Variants in CATSPERE observed in about 807,000 individuals in gnomAD.
CATSPERE encodes the protein catsper channel auxiliary subunit epsilon.
In CATSPERE, 93 loss-of-function variants were observed where a neutral mutation model predicts 114.1. That is an observed-to-expected ratio of 0.81 (90% CI 0.69 to 0.97). The LOEUF is 0.97. Ranked by LOEUF, CATSPERE falls within the 50% of genes least tolerant of loss-of-function variation. CATSPERE has a pLI of 0.00. For missense variants in CATSPERE, 1,058 were observed against 1,131.6 expected, an observed-to-expected ratio of 0.93 and a Z score of 0.93; for synonymous variants, 341 against 384.1, an observed-to-expected ratio of 0.89 and a Z score of 1.31.
chr1:244,622,554 C>T (rs61842403), intron 20 of CATSPERE, among the ~76,000 whole-genome samples: 2,261 of 152,124 alleles, frequency 0.015, 34 homozygotes, highest in Middle Eastern at 0.024. Flanking sequence ...CAGACATGTG[C>T]CACCACGCCC....
In CATSPERE at chr1:244,572,445, C is replaced by T. The variant is rs1185892670; in HGVS notation, c.1623C>T (p.Phe541=). 6.2e-7 allele frequency: 1 copy of T among 1,612,906 alleles called. No individual in the cohort carries two copies. Among genetic ancestry groups the T allele is most frequent in the Non-Finnish European group, 8.5e-7 (1 of 1,179,056 alleles). The change falls in exon 11 of 22, where the codon TTC becomes TTT. Residue 541 remains phenylalanine, a synonymous_variant. Transcript: ENST00000366534. Reference sequence around the variant, plus strand: ...GGACAAATTACACAACAAGAGCATTCATTTTCTTAAGTACATCTGGTCAAA... The same window carrying T: ...GGACAAATTACACAACAAGAGCATTTATTTTCTTAAGTACATCTGGTCAAA... The part of the protein sequence containing the change: ...HLWTNYTTRA[F]IFLSTSGQTY...
At chr1:244,490,559 T>C (rs765230743) in intron 6 of CATSPERE, 88 bp downstream of exon 6, 17 of 856,252 alleles carry the variant, frequency 2.0e-5, no homozygotes, top group Non-Finnish European at 3.2e-5. Flanking sequence ...AGATGAGGAA[T>C]TTTTCAAATG....
chr1:244,518,552 A>G (rs1677006378), intron 7 of CATSPERE, 40 bp from the exon 8 acceptor site: 6 of 1,210,850 alleles, frequency 5.0e-6, no homozygotes, highest in Non-Finnish European at 7.3e-6. Flanking sequence ...TACTTTAGCT[A>G]TGAAAATAAT....
rs1379265247 is a variant in CATSPERE, at chr1:244,573,683, T to A, written c.1950+911T>A. ...TTCTTCTGTGGCAGTCTCAGGGCAG[T>A]GTTCCAAGACGGTGAGAGCAGAAGC... is the stretch of plus-strand genomic sequence containing the variant. On this transcript the variant is annotated intron_variant, in intron 11 of 21. Transcript: ENST00000366534. The surrounding 1 kb of genome is among the most constrained non-coding windows in gnomAD (Gnocchi z 4.0). Among the ~76,000 whole-genome samples the A allele has an allele frequency of 6.6e-6, 1 of 152,144 alleles. No homozygotes were observed. Among genetic ancestry groups the A allele is most frequent in the Non-Finnish European group, 1.5e-5 (1 of 68,014 alleles).
chr1:244,452,881 C>T (rs1665741054), upstream of CATSPERE, among the ~76,000 whole-genome samples: 1 of 152,076 alleles, frequency 6.6e-6, no homozygotes, highest in African/African-American at 2.4e-5. Context: ...CTTTCGACAC[C>T]AACACAAATT....
At chr1:244,476,951 T>C (rs1669447487) in intron 2 of CATSPERE, among the ~76,000 whole-genome samples, 2 of 152,236 alleles carry the variant, frequency 1.3e-5, no homozygotes, top group East Asian at 3.8e-4. Context: ...CCTCAGAACC[T>C]ACCAGAGTGT....
chr1:244,563,687 T>G (rs1287996075), intron 10 of CATSPERE, among the ~76,000 whole-genome samples: 1 of 152,228 alleles, frequency 6.6e-6, no homozygotes, highest in Non-Finnish European at 1.5e-5. Flanking sequence ...ACTGCAAAAA[T>G]TTTCTCCCAT....
intron 6 of CATSPERE, among the ~76,000 whole-genome samples, chr1:244,494,031 G>C (rs906999047): frequency 6.6e-6 from 1 of 152,118 alleles, no homozygotes; most frequent in African/African-American, 2.4e-5. Context: ...AACCATTGTG[G>C]AAGTCAGTGT....
intron 7 of CATSPERE, among the ~76,000 whole-genome samples, chr1:244,503,794 C>A (rs1352790835): frequency 6.6e-6 from 1 of 152,154 alleles, no homozygotes; most frequent in Non-Finnish European, 1.5e-5. Context: ...TAGTCTCAAA[C>A]CTCTGGGCTC....
chr1:244,547,577 A>C (rs949134611), intron 8 of CATSPERE, among the ~76,000 whole-genome samples: 2 of 148,014 alleles, frequency 1.4e-5, no homozygotes, highest in African/African-American at 5.3e-5. Context: ...AAAATATAGA[A>C]AAATTTCAAT....
intron 20 of CATSPERE, among the ~76,000 whole-genome samples, chr1:244,624,686 CAGCTACTTGGGAGGCTG>C (rs1224613571): frequency 6.6e-6 from 1 of 151,960 alleles, no homozygotes; most frequent in Non-Finnish European, 1.5e-5. Flanking sequence ...CCTGTAGTCC[CAGCTACTTGGGAGGCTG>C]AGGCAGGAGA....
At chr1:244,482,465 G>T (rs866829656) in intron 5 of CATSPERE, among the ~76,000 whole-genome samples, 2 of 151,720 alleles carry the variant, frequency 1.3e-5, no homozygotes, top group Non-Finnish European at 2.9e-5. Flanking sequence ...TGTCAGGCAT[G>T]ATGACTTGCA....
Position 244,505,753 on chromosome 1 carries a change from TC to T in CATSPERE, c.429+6677del, listed in dbSNP as rs535143627. On this transcript the variant is annotated intron_variant, in intron 7 of 21. Coordinates refer to ENST00000366534, the MANE Select transcript of CATSPERE (RefSeq NM_001130957.2). Reference sequence around the variant, plus strand: ...TGGGCGTGGTGGCTCATGCCTGTAATCCCAGCACTTTGGGAGGCCGAGGTGG... The same window carrying T: ...TGGGCGTGGTGGCTCATGCCTGTAATCCAGCACTTTGGGAGGCCGAGGTGG... Among the ~76,000 whole-genome samples the T allele has an allele frequency of 5.6e-4, 85 of 152,238 alleles. 1 individual carries two copies. Among genetic ancestry groups the T allele is most frequent in the African/African-American group, 1.8e-3 (76 of 41,512 alleles).
At chr1:244,621,184 TATAG>T (rs1672219250) in intron 20 of CATSPERE, among the ~76,000 whole-genome samples, 7 of 36,216 alleles carry the variant, frequency 1.9e-4, no homozygotes, top group African/African-American at 6.4e-4. Flanking sequence ...GATATATTTA[TATAG>T]ATATATTTAT....
chr1:244,617,760 C>T, intron 20 of CATSPERE, 74 bp downstream of exon 20: 4 of 1,207,846 alleles, frequency 3.3e-6, no homozygotes, highest in Non-Finnish European at 4.5e-6. Flanking sequence ...TTGATGCATC[C>T]TATACATTCA....
intron 20 of CATSPERE, among the ~76,000 whole-genome samples, chr1:244,624,069 C>A (rs981167931): frequency 6.6e-6 from 1 of 151,974 alleles, no homozygotes; most frequent in South Asian, 2.1e-4. Flanking sequence ...TCACACCATT[C>A]TCCTGCCTCA....
At position 244,588,559 on chromosome 1, in the gene CATSPERE, T is replaced by G. The variant is rs1341517443; in HGVS notation, c.2138+25T>G. The G allele has an allele frequency of 1.6e-5, 25 of 1,554,428 alleles. No individual in the cohort carries two copies. The Admixed American group carries it at 4.2e-4, about 26-fold the overall frequency. ...GGTAAGTATATTTCCATTTGACCTG[T>G]GTTACTCTTTAAGTTTTAAAACAAA... On this transcript the variant is annotated intron_variant, in intron 14 of 21. Transcript: ENST00000366534.
chr1:244,509,206 G>T (rs1008858114), intron 7 of CATSPERE, among the ~76,000 whole-genome samples: 1 of 151,854 alleles, frequency 6.6e-6, no homozygotes, highest in African/African-American at 2.4e-5. Context: ...GTTAGTTGTG[G>T]GTCTGTGATA....
chr1:244,593,661 T>C, intron 17 of CATSPERE, 83 bp downstream of exon 17: 1 of 1,091,908 alleles, frequency 9.2e-7, no homozygotes, highest in South Asian at 1.4e-5. Context: ...TGATCATGCA[T>C]CTAACAACAC....
Sources: gnomAD v4.1 joint callset for allele counts (sites outside exome capture counted in the v4.1 genomes callset) on GRCh38, gnomAD v4.1.1 for gene constraint, Gnocchi (gnomAD v3.1) non-coding constraint, MANE v1.5 for transcripts, NCBI Gene and HGNC (gene_info 2026-07-23, HGNC 2026-07-21) for gene names.